PCOLCE: variants seen among roughly 807,000 people sequenced by gnomAD.
PCOLCE encodes procollagen C-endopeptidase enhancer 1.
Under a neutral mutation model 47.2 loss-of-function variants are expected in PCOLCE, and 33 were observed. That is an observed-to-expected ratio of 0.70 (90% CI 0.53 to 0.93). PCOLCE has a LOEUF of 0.93. PCOLCE is among the 40% of genes least tolerant of loss of function. PCOLCE has a pLI of 0.00. For synonymous variants in PCOLCE, 254 were observed against 252.5 expected (o/e 1.01, Z -0.06); for missense variants, 584 against 585.3 (o/e 1.00, Z 0.02).
At chr7:100,603,194 G>T in intron 1 of PCOLCE, 1 of 433,048 alleles carries the variant, frequency 2.3e-6, no homozygotes, top group Non-Finnish European at 4.1e-6. Context: ...GGGACTCTTG[G>T]GGTTGGAGGG....
chr7:100,603,361 C>A, intron 1 of PCOLCE, 69 bp from the exon 2 acceptor site: 1 of 775,012 alleles, frequency 1.3e-6, no homozygotes, highest in Non-Finnish European at 2.2e-6. Flanking sequence ...ATCACCTCAT[C>A]CCCATCTTGC....
rs750369223 is a variant in PCOLCE at position 100,606,513 on chromosome 7, C to A, written c.823C>A (p.Arg275=). ...CTCAGCCTCCTACAAGACCCTGCCG[C>A]GGGGCACTGCCAAAGAAGGGCAAGG... The part of the protein sequence containing the change: ...GFSASYKTLP[R]GTAKEGQGPG... Residue 275 remains arginine, a synonymous_variant, in exon 6 of 9, where the codon CGG becomes AGG. Coordinates refer to ENST00000223061, the MANE Select transcript of PCOLCE (RefSeq NM_002593.4). 1.6e-5 allele frequency: 26 copies of A among 1,614,042 alleles called. No individual in the cohort carries two copies. The highest frequency in any genetic ancestry group is 2.0e-5 in the Non-Finnish European group (24 of 1,179,994).
Position 100,602,551 on chromosome 7 carries a change from G to C in PCOLCE, c.95G>C (p.Arg32Thr). 1 of 1,587,076 alleles carries C rather than the reference G, an allele frequency of 6.3e-7. No homozygotes were observed. The highest frequency in any genetic ancestry group is 2.2e-5 in the East Asian group (1 of 44,752). ...CAGGGCCAGACCCCCAACTACACCAGGTAGGTCTCTTGGCATCTTCCAGAC... is the reference window on the plus strand; with the variant it reads ...CAGGGCCAGACCCCCAACTACACCACGTAGGTCTCTTGGCATCTTCCAGAC... Reference protein sequence around the residue: ...FAQGQTPNYTRPVFLCGGDVK... With the variant: ...FAQGQTPNYTTPVFLCGGDVK... Residue 32 changes from arginine to threonine, a missense_variant and splice_region_variant, in exon 1 of 9, where the codon AGA becomes ACA. By Grantham distance (71) the Arg-to-Thr change is moderately conservative. Transcript: ENST00000223061.
At chr7:100,603,741 TC>T in intron 2 of PCOLCE, 1 of 612,618 alleles carries the variant, frequency 1.6e-6, no homozygotes. Flanking sequence ...CATTCTCCAG[TC>T]CCCGGCCCTC....
In PCOLCE at chr7:100,603,442, G is replaced by C; in HGVS notation, c.108G>C (p.Leu36=). 6.3e-7 allele frequency: 1 copy of C among 1,596,342 alleles called. No individual in the cohort carries two copies. The highest frequency in any genetic ancestry group is 8.5e-7 in the Non-Finnish European group (1 of 1,170,102). ...TTCTGTTCTCCAGACCCGTGTTCCT[G>C]TGCGGAGGGGATGTGAAGGGGGAAT... ...QTPNYTRPVF[L]CGGDVKGESG... The change falls in exon 2 of 9, where the codon CTG becomes CTC. Residue 36 remains leucine, a synonymous_variant. Coordinates refer to ENST00000223061, the MANE Select transcript of PCOLCE (RefSeq NM_002593.4).
chr7:100,605,762 G>C lies in PCOLCE; in HGVS notation c.675G>C (p.Val225=). 1 of 1,559,540 alleles carries C rather than the reference G, an allele frequency of 6.4e-7. No homozygotes were observed. Residue 225 remains valine, a synonymous_variant, in exon 5 of 9, where the codon GTG becomes GTC. Transcript: ENST00000223061. The surrounding 1 kb of genome is among the most constrained non-coding windows in gnomAD (Gnocchi z 6.1). ...YDSVSVFNGA[V]SDDSRRLGKF... The stretch of plus-strand genomic sequence containing the variant: ...CGGTCAGCGTGTTCAACGGAGCCGT[G>C]AGCGACGACTCCCGGAGGCTGGGGA...
intron 6 of PCOLCE, 48 bp downstream of exon 6, chr7:100,606,678 T>C (rs772252356): frequency 8.5e-5 from 122 of 1,442,344 alleles, no homozygotes; most frequent in Non-Finnish European, 1.1e-4. Context: ...AAGGGGGCCA[T>C]TTCAAAAAGT....
chr7:100,607,545 T>C, intron 7 of PCOLCE, 22 bp downstream of exon 7: 2 of 1,613,152 alleles, frequency 1.2e-6, no homozygotes, highest in Non-Finnish European at 1.7e-6. Context: ...CCCAACCCCA[T>C]TCCAGCTCCT....
Position 100,605,085 on chromosome 7 carries a change from C to T in PCOLCE, c.464-6C>T. The T allele has an allele frequency of 2.5e-6, 4 of 1,608,592 alleles. No homozygotes were observed. Among genetic ancestry groups the T allele is most frequent in the Non-Finnish European group, 3.4e-6 (4 of 1,176,676 alleles). ...CCCCACCCCCGCTCCTCTCTCCCCT[C>T]CCCAGAGCACCAATTTTGCGGGGGG... is the stretch of plus-strand genomic sequence containing the variant. On this transcript the variant is annotated splice_region_variant and splice_polypyrimidine_tract_variant and intron_variant, in intron 3 of 8. Transcript: ENST00000223061. This position sits in a 1 kb window ranked among gnomAD's most constrained non-coding sequence, Gnocchi z 6.1.
At chr7:100,607,425 G>A in intron 6 of PCOLCE, 27 bp from the exon 7 acceptor site, 1 of 1,598,248 alleles carries the variant, frequency 6.3e-7, no homozygotes, top group Non-Finnish European at 8.6e-7. Flanking sequence ...TGCTGAGCAG[G>A]TCACCCTCCA....
Position 100,604,513 on chromosome 7 carries a change from G to A in PCOLCE, c.463+296G>A. On this transcript the variant is annotated intron_variant, in intron 3 of 8. Coordinates refer to ENST00000223061, the MANE Select transcript of PCOLCE (RefSeq NM_002593.4). The surrounding 1 kb of genome is among the most constrained non-coding windows in gnomAD (Gnocchi z 6.4). ...GGGGTTACTGGGACGGTGAGTAACT[G>A]CCGGCCCCCGTCCGCAATCGGGCTC... The A allele has an allele frequency of 2.0e-6, 1 of 504,058 alleles. No homozygotes were observed. Among genetic ancestry groups the A allele is most frequent in the Non-Finnish European group, 3.6e-6 (1 of 276,502 alleles). The allele number at this position is 504,058 out of a possible 1,614,324, so 31.2% of individuals were successfully genotyped here. A position where few individuals can be genotyped will look rare whatever the true frequency, so the allele number is the denominator to read the frequency against.
chr7:100,606,400 C>A lies in PCOLCE; in HGVS notation c.726-16C>A. The A allele has an allele frequency of 6.2e-7, 1 of 1,603,034 alleles. No homozygotes were observed. Among genetic ancestry groups the A allele is most frequent in the East Asian group, 2.2e-5 (1 of 44,736 alleles). On this transcript the variant is annotated splice_polypyrimidine_tract_variant and intron_variant, in intron 5 of 8. Coordinates refer to ENST00000223061, the MANE Select transcript of PCOLCE (RefSeq NM_002593.4). Reference sequence around the variant, plus strand: ...CCGCCCTGACACTTCCCCCAATGCTCGGTGGCCACCTGCAGCTCCATCTCC... The same window carrying A: ...CCGCCCTGACACTTCCCCCAATGCTAGGTGGCCACCTGCAGCTCCATCTCC...
rs1454009729 is a variant in PCOLCE at position 100,605,751 on chromosome 7, A to C, written c.664A>C (p.Asn222His). 3 of 1,564,262 alleles carry C rather than the reference A, an allele frequency of 1.9e-6. No homozygotes were observed. Among genetic ancestry groups the C allele is most frequent in the South Asian group, 2.4e-5 (2 of 85,022 alleles). Residue 222 changes from asparagine to histidine, a missense_variant, in exon 5 of 9, where the codon AAC (asparagine) becomes CAC (histidine). Coordinates refer to ENST00000223061, the MANE Select transcript of PCOLCE (RefSeq NM_002593.4). This position sits in a 1 kb window ranked among gnomAD's most constrained non-coding sequence, Gnocchi z 6.1. Reference sequence around the variant, plus strand: ...CCGCTATGACTCGGTCAGCGTGTTCAACGGAGCCGTGAGCGACGACTCCCG... The same window carrying C: ...CCGCTATGACTCGGTCAGCGTGTTCCACGGAGCCGTGAGCGACGACTCCCG... ...YCRYDSVSVF[N>H]GAVSDDSRRL...
At position 100,605,332 on chromosome 7, in the gene PCOLCE, G is replaced by A; in HGVS notation, c.588+117G>A. ...CCCGAGCACTGCGCTTGCGCTGGTG[G>A]GCACCCAAAACAGCCCCAACCCCTG... is the stretch of plus-strand genomic sequence containing the variant. On this transcript the variant is annotated intron_variant, in intron 4 of 8. Coordinates refer to ENST00000223061, the MANE Select transcript of PCOLCE (RefSeq NM_002593.4). This position sits in a 1 kb window ranked among gnomAD's most constrained non-coding sequence, Gnocchi z 6.1. The A allele has an allele frequency of 9.0e-7, 1 of 1,117,002 alleles. No individual in the cohort carries two copies. The highest frequency in any genetic ancestry group is 1.3e-6 in the Non-Finnish European group (1 of 791,664). The allele number at this position is 1,117,002 out of a possible 1,614,324, so 69.2% of individuals were successfully genotyped here.
intron 1 of PCOLCE, chr7:100,603,169 G>T: frequency 2.6e-6 from 1 of 383,924 alleles, no homozygotes; most frequent in Non-Finnish European, 4.6e-6. Context: ...GGGAATTCCT[G>T]TTGGGGTGGG....
Position 100,606,567 on chromosome 7 carries a change from A to T in PCOLCE, c.877A>T (p.Lys293Ter). ...CGGCCCCAAACGGGGAACTGAGCCT[A>T]AAGTCAAGCTGCCCCCCAAGTCCCA... ...GPGPKRGTEP[K>*]VKLPPKSQPP... Residue 293 changes from lysine to a stop codon, truncating the protein, a stop_gained, in exon 6 of 9, where the codon AAA becomes TAA. Transcript: ENST00000223061. LOFTEE classifies it high-confidence loss of function. 1 of 1,614,114 alleles carries T rather than the reference A, an allele frequency of 6.2e-7. No individual in the cohort carries two copies. Among genetic ancestry groups the T allele is most frequent in the South Asian group, 1.1e-5 (1 of 91,086 alleles).
rs543540108 is a variant in PCOLCE at position 100,603,413 on chromosome 7, C to T, written c.96-17C>T. 4.2e-5 allele frequency: 61 copies of T among 1,450,204 alleles called. No individual in the cohort carries two copies. The highest frequency in any genetic ancestry group is 5.1e-5 in the Non-Finnish European group (53 of 1,039,788). The allele number at this position is 1,450,204 out of a possible 1,614,324, so 89.8% of individuals were successfully genotyped here. A position where few individuals can be genotyped will look rare whatever the true frequency, so the allele number is the denominator to read the frequency against. ...CACCCGTCCCTGCTCTTTCCTGACC[C>T]CTTTTCTGTTCTCCAGACCCGTGTT... On this transcript the variant is annotated splice_polypyrimidine_tract_variant and intron_variant, in intron 1 of 8. Transcript: ENST00000223061.
At chr7:100,603,775 T>A in intron 2 of PCOLCE, 184 bp from the exon 3 acceptor site, 1 of 662,290 alleles carries the variant, frequency 1.5e-6, no homozygotes, top group Non-Finnish European at 2.6e-6. Flanking sequence ...AAGCCTCAGC[T>A]CTTGTCCCCT....
rs1481717582 is a variant in PCOLCE at position 100,605,668 on chromosome 7, G to A, written c.589-8G>A. 1.9e-6 allele frequency: 3 copies of A among 1,576,522 alleles called. No homozygotes were observed. Among genetic ancestry groups the A allele is most frequent in the Admixed American group, 3.6e-5 (2 of 55,032 alleles). On this transcript the variant is annotated splice_polypyrimidine_tract_variant and splice_region_variant and intron_variant, in intron 4 of 8. Coordinates refer to ENST00000223061, the MANE Select transcript of PCOLCE (RefSeq NM_002593.4). The surrounding 1 kb of genome is among the most constrained non-coding windows in gnomAD (Gnocchi z 6.1). ...CGCCGCGCAGTCCCCGCCTCCGCCC[G>A]CCGCCAGGTCATCGCGCTGACCTTC... is the stretch of plus-strand genomic sequence containing the variant.
Sources: gnomAD v4.1 joint callset for allele counts on GRCh38, gnomAD v4.1.1 for gene constraint, Gnocchi (gnomAD v3.1) non-coding constraint, MANE v1.5 for transcripts, NCBI Gene and HGNC (gene_info 2026-07-23, HGNC 2026-07-21) for gene names.